The following PIP5K1B variants were observed in gnomAD, a reference collection of about 807,000 sequenced individuals.
PIP5K1B encodes the protein phosphatidylinositol 4-phosphate 5-kinase type-1 beta.
A neutral mutation model predicts 67.0 loss-of-function variants in PIP5K1B; 42 were observed. That is an observed-to-expected ratio of 0.63 (90% confidence interval 0.49 to 0.81). The LOEUF (loss-of-function observed/expected upper bound fraction) is 0.81, where lower values mean the gene tolerates loss of function less well. PIP5K1B is among the 30% of genes least tolerant of loss of function. The pLI is 0.00. For missense variants in PIP5K1B, 459 were observed against 646.3 expected, an observed-to-expected ratio of 0.71 and a Z score of 3.14; for synonymous variants, 214 against 231.4, an observed-to-expected ratio of 0.92 and a Z score of 0.68.
At chr9:68,790,840 C>T (rs1024554766) in intron 2 of PIP5K1B, among the ~76,000 whole-genome samples, 2 of 152,208 alleles carry the variant, frequency 1.3e-5, no homozygotes, top group Non-Finnish European at 2.9e-5. Flanking sequence ...ATTTCAAGTG[C>T]TGCCCTAAGA....
rs867600570 is a variant in PIP5K1B at position 68,787,925 on chromosome 9, A to C, written c.-85-30536A>C. Reference sequence around the variant, plus strand: ...TGGGATTACAGGCTTGAGCCACCATACCCAGCCTCTTTCTAATCTTTCTAC... The same window carrying C: ...TGGGATTACAGGCTTGAGCCACCATCCCCAGCCTCTTTCTAATCTTTCTAC... On this transcript the variant is annotated intron_variant, in intron 2 of 15. Coordinates refer to ENST00000265382, the MANE Select transcript of PIP5K1B (RefSeq NM_003558.4). Among the ~76,000 whole-genome samples the C allele has an allele frequency of 2.0e-5, 3 of 152,248 alleles. No homozygotes were observed. The South Asian group carries it at 6.2e-4, about 32-fold the overall frequency.
chr9:68,859,491 T>C (rs1319989000), intron 4 of PIP5K1B, among the ~76,000 whole-genome samples: 1 of 152,218 alleles, frequency 6.6e-6, no homozygotes, highest in African/African-American at 2.4e-5. Context: ...TTCTGAAACT[T>C]AAACCTATAT....
intron 3 of PIP5K1B, among the ~76,000 whole-genome samples, chr9:68,821,702 C>T (rs7048275): frequency 0.048 from 7,369 of 152,132 alleles, 315 homozygotes; most frequent in African/African-American, 0.11. Context: ...CCTAGTATGC[C>T]CTAGCAGTTC....
intron 4 of PIP5K1B, among the ~76,000 whole-genome samples, chr9:68,845,257 A>G (rs1326201879): frequency 6.6e-6 from 1 of 152,096 alleles, no homozygotes; most frequent in Non-Finnish European, 1.5e-5. Flanking sequence ...CATGTTTGTA[A>G]ATTAATATGG....
chr9:68,864,024 C>T (rs1169220180), intron 5 of PIP5K1B, 57 bp downstream of exon 5: 10 of 1,553,256 alleles, frequency 6.4e-6, no homozygotes, highest in South Asian at 4.5e-5. Context: ...TTTGTGACAA[C>T]CCCATATTGA....
At chr9:68,958,904 A>G (rs1199361460) in intron 14 of PIP5K1B, among the ~76,000 whole-genome samples, 1 of 152,228 alleles carries the variant, frequency 6.6e-6, no homozygotes, top group Non-Finnish European at 1.5e-5. Flanking sequence ...TCAGAAATGT[A>G]TGGCACTGAG....
At chr9:68,854,921 T>C (rs1822691727) in intron 4 of PIP5K1B, among the ~76,000 whole-genome samples, 1 of 152,232 alleles carries the variant, frequency 6.6e-6, no homozygotes, top group African/African-American at 2.4e-5. Context: ...TGTCCTGCTT[T>C]TTAAACTTAA....
rs535345687 is a variant in PIP5K1B at position 68,780,133 on chromosome 9, C to T, written c.-86+37476C>T. The T allele has an allele frequency of 4.0e-6, 6 of 1,507,238 alleles. No individual in the cohort carries two copies. The African/African-American group carries it at 8.5e-5, about 21-fold the overall frequency. 93.4% of individuals were successfully genotyped at this position (1,507,238 alleles called of 1,614,324 possible). ...GGGAATGGGAATCCTAGGTCCCTGA[C>T]TGAGCACCTCCCCCGCCTCCCTGCC... is the stretch of plus-strand genomic sequence containing the variant. On this transcript the variant is annotated intron_variant, in intron 2 of 15. Transcript: ENST00000265382.
intron 15 of PIP5K1B, among the ~76,000 whole-genome samples, chr9:69,005,172 C>T (rs1451276492): frequency 2.6e-5 from 4 of 151,152 alleles, no homozygotes; most frequent in Admixed American, 1.3e-4. Flanking sequence ...CATTTTATGA[C>T]CAAAGCTGGA....
At chr9:68,846,090 C>T (rs138269323) in intron 4 of PIP5K1B, among the ~76,000 whole-genome samples, 66 of 152,234 alleles carry the variant, frequency 4.3e-4, no homozygotes, top group Middle Eastern at 6.8e-3. Flanking sequence ...ACAAAATAAG[C>T]ACTTAACACA....
chr9:68,812,984 AG>A (rs1401523622), intron 2 of PIP5K1B, among the ~76,000 whole-genome samples: 1 of 152,242 alleles, frequency 6.6e-6, no homozygotes, highest in Non-Finnish European at 1.5e-5. Context: ...CTTCTAGCGC[AG>A]GGAGCATCAG....
At chr9:68,778,489 C>A (rs1831037731) in intron 2 of PIP5K1B, among the ~76,000 whole-genome samples, 1 of 152,162 alleles carries the variant, frequency 6.6e-6, no homozygotes, top group Non-Finnish European at 1.5e-5. Context: ...TAATCTATTT[C>A]TTTCACAATC....
At chr9:68,930,850 GCA>G (rs1283012095) in intron 12 of PIP5K1B, among the ~76,000 whole-genome samples, 1 of 151,812 alleles carries the variant, frequency 6.6e-6, no homozygotes, top group African/African-American at 2.4e-5. Flanking sequence ...ACATTTCCTG[GCA>G]CACAGTAGAC....
chr9:68,835,864 A>G (rs1049418486), intron 4 of PIP5K1B, among the ~76,000 whole-genome samples: 1 of 143,530 alleles, frequency 7.0e-6, no homozygotes. Flanking sequence ...GCTTTCCGTC[A>G]TATTAAATAA....
intron 14 of PIP5K1B, among the ~76,000 whole-genome samples, chr9:68,959,003 A>G (rs1828559496): frequency 1.3e-5 from 2 of 152,232 alleles, no homozygotes; most frequent in Non-Finnish European, 2.9e-5. Flanking sequence ...ACGTGTAGGA[A>G]AGAAAGAATA....
chr9:68,725,206 C>T (rs1255959560), intron 1 of PIP5K1B, among the ~76,000 whole-genome samples: 2 of 152,210 alleles, frequency 1.3e-5, no homozygotes, highest in Non-Finnish European at 1.5e-5. Flanking sequence ...ATTTTGCATA[C>T]ACTTGCACAA....
chr9:68,710,432 C>T (rs1028904707), intron 1 of PIP5K1B, among the ~76,000 whole-genome samples: 1 of 152,004 alleles, frequency 6.6e-6, no homozygotes, highest in East Asian at 1.9e-4. Context: ...TTTTGGGGTA[C>T]TGTGTCGTAA....
intron 1 of PIP5K1B, among the ~76,000 whole-genome samples, chr9:68,720,023 G>A (rs1206843482): frequency 3.9e-5 from 6 of 152,122 alleles, no homozygotes; most frequent in South Asian, 2.1e-4. Flanking sequence ...CTTACTGAAA[G>A]GTAAAGTTTC....
chr9:68,868,576 A>C (rs1442795017), intron 5 of PIP5K1B, among the ~76,000 whole-genome samples: 1 of 152,134 alleles, frequency 6.6e-6, no homozygotes, highest in Non-Finnish European at 1.5e-5. Context: ...AAAGCATGGG[A>C]ATGGTATTTC....
Sources: gnomAD v4.1 joint callset for allele counts (sites outside exome capture counted in the v4.1 genomes callset) on GRCh38, gnomAD v4.1.1 for gene constraint, MANE v1.5 for transcripts, NCBI Gene and HGNC (gene_info 2026-07-23, HGNC 2026-07-21) for gene names.